SNX29: variants seen among roughly 807,000 people sequenced by gnomAD.
SNX29 encodes sorting nexin 29.
Under a neutral mutation model 102.1 loss-of-function variants are expected in SNX29, and 78 were observed. That is an observed-to-expected ratio of 0.76 (90% CI 0.64 to 0.92). The LOEUF is 0.92. Among genes scored for constraint, SNX29 ranks in the 40% least tolerant of loss-of-function variants. SNX29 has a pLI of 0.00. For missense variants in SNX29, 1,280 were observed against 1,061.7 expected, an observed-to-expected ratio of 1.21 and a Z score of -2.86; for synonymous variants, 580 against 414.5, an observed-to-expected ratio of 1.40 and a Z score of -4.85.
chr16:12,273,904 C>T (rs559942341), intron 14 of SNX29, among the ~76,000 whole-genome samples: 5 of 152,304 alleles, frequency 3.3e-5, no homozygotes, highest in South Asian at 2.1e-4. Flanking sequence ...TGTGTTGCAG[C>T]GTGAGTCTGC....
At chr16:12,560,471 G>GTCACACTTACCTCCTGCTTT (rs1598054240) in intron 20 of SNX29, among the ~76,000 whole-genome samples, 1 of 152,274 alleles carries the variant, frequency 6.6e-6, no homozygotes, top group Non-Finnish European at 1.5e-5. Flanking sequence ...TTGCCTGGGA[G>GTCACACTTACCTCCTGCTTT]TCACACTTAC....
At chr16:12,200,636 C>G (rs901083725) in intron 14 of SNX29, among the ~76,000 whole-genome samples, 1 of 152,154 alleles carries the variant, frequency 6.6e-6, no homozygotes, top group African/African-American at 2.4e-5. Context: ...GTATCTGCCA[C>G]CATGCCCAGC....
chr16:12,344,794 C>T (rs560086758), intron 15 of SNX29, among the ~76,000 whole-genome samples: 1 of 152,314 alleles, frequency 6.6e-6, no homozygotes, highest in African/African-American at 2.4e-5. Flanking sequence ...GAGAGGAGGC[C>T]AACGCTGCGC....
intron 16 of SNX29, among the ~76,000 whole-genome samples, chr16:12,393,759 C>T (rs115452866): frequency 9.6e-4 from 146 of 152,316 alleles, no homozygotes; most frequent in African/African-American, 3.1e-3. Flanking sequence ...ATACTTGCTT[C>T]GCAGATTGTT....
intron 18 of SNX29, among the ~76,000 whole-genome samples, chr16:12,406,898 G>A (rs1240511269): frequency 2.0e-5 from 3 of 152,220 alleles, no homozygotes; most frequent in Admixed American, 6.5e-5. Flanking sequence ...GACAGAGCGA[G>A]ACTCTGTCTC....
intron 10 of SNX29, among the ~76,000 whole-genome samples, chr16:12,070,045 G>A (rs1288802879): frequency 1.3e-5 from 2 of 152,192 alleles, no homozygotes; most frequent in Admixed American, 1.3e-4. Context: ...GTATATTTAA[G>A]CCATTTAGAT....
At chr16:12,216,339 T>G (rs1567321636) in intron 14 of SNX29, among the ~76,000 whole-genome samples, 1 of 152,212 alleles carries the variant, frequency 6.6e-6, no homozygotes, top group Non-Finnish European at 1.5e-5. Context: ...GACCCTTTCC[T>G]TGACACATGG....
intron 3 of SNX29, among the ~76,000 whole-genome samples, chr16:12,007,549 A>C (rs193277478): frequency 6.8e-4 from 104 of 152,298 alleles, no homozygotes; most frequent in African/African-American, 2.4e-3. Context: ...CAAGAGGGAA[A>C]GTCAGCGAAC....
chr16:12,505,492 T>A (rs756903971), intron 19 of SNX29, among the ~76,000 whole-genome samples: 4 of 152,212 alleles, frequency 2.6e-5, no homozygotes, highest in Non-Finnish European at 5.9e-5. Flanking sequence ...TTATGCCAGT[T>A]CCTTTTTTAA....
intron 1 of SNX29, among the ~76,000 whole-genome samples, chr16:11,997,157 T>C (rs2056105469): frequency 6.6e-6 from 1 of 152,154 alleles, no homozygotes; most frequent in Admixed American, 6.5e-5. Context: ...GCCTGTTTGA[T>C]CTTTCCTTCC....
At chr16:12,029,311 G>A (rs1250239032) in intron 4 of SNX29, among the ~76,000 whole-genome samples, 1 of 152,128 alleles carries the variant, frequency 6.6e-6, no homozygotes, top group African/African-American at 2.4e-5. Flanking sequence ...ATTGCGTGCA[G>A]TACTGTATTT....
chr16:12,429,943 T>C (rs1429320160), intron 18 of SNX29, among the ~76,000 whole-genome samples: 2 of 152,212 alleles, frequency 1.3e-5, no homozygotes, highest in South Asian at 2.1e-4. Context: ...CTGTGCTTTA[T>C]TCAAGGGTCC....
chr16:12,337,046 G>T (rs1381178802), intron 15 of SNX29, among the ~76,000 whole-genome samples: 2 of 152,222 alleles, frequency 1.3e-5, no homozygotes, highest in Admixed American at 1.3e-4. Flanking sequence ...CCTGGGAGAT[G>T]TTTTCTCAGT....
chr16:12,482,123 A>T (rs532700507), intron 19 of SNX29, among the ~76,000 whole-genome samples: 39 of 152,292 alleles, frequency 2.6e-4, no homozygotes, highest in Non-Finnish European at 4.6e-4. Context: ...TGTTGATTCT[A>T]CATTGGCCCA....
rs374909254 is a variant in SNX29, at chr16:12,168,443, CTTTG to C, written c.1596-31153_1596-31150del. On this transcript the variant is annotated intron_variant, in intron 13 of 20. Coordinates refer to ENST00000566228, the MANE Select transcript of SNX29 (RefSeq NM_032167.5). ...ATGGTTGCTCAGAGAATCGAACCAA[CTTTG>C]TTTGAATCTAAGCCCCATGTTGTTG... 2.2e-3 allele frequency among the ~76,000 whole-genome samples: 335 copies of C among 152,300 alleles called. 4 individuals carry two copies. The highest frequency in any genetic ancestry group is 7.7e-3 in the African/African-American group (319 of 41,576).
chr16:12,549,817 G>A (rs1165889037), intron 20 of SNX29, among the ~76,000 whole-genome samples: 1 of 152,262 alleles, frequency 6.6e-6, no homozygotes, highest in African/African-American at 2.4e-5. Flanking sequence ...TCTGTGCCCT[G>A]TGTGGCCAGG....
intron 20 of SNX29, among the ~76,000 whole-genome samples, chr16:12,550,720 C>A (rs1421719455): frequency 6.6e-6 from 1 of 152,256 alleles, no homozygotes; most frequent in South Asian, 2.1e-4. Flanking sequence ...TTATTCTACA[C>A]TCCTGTGTTG....
intron 20 of SNX29, among the ~76,000 whole-genome samples, chr16:12,530,359 A>C (rs1359696623): frequency 6.6e-6 from 1 of 152,154 alleles, no homozygotes; most frequent in African/African-American, 2.4e-5. Flanking sequence ...TTTTAGGGAA[A>C]GTGATGAAGT....
chr16:12,538,321 C>T (rs1364964856), intron 20 of SNX29, among the ~76,000 whole-genome samples: 1 of 152,090 alleles, frequency 6.6e-6, no homozygotes, highest in Non-Finnish European at 1.5e-5. Context: ...GGGGTTTCAC[C>T]ATGTTAGCCA....
Sources: gnomAD v4.1 joint callset for allele counts (sites outside exome capture counted in the v4.1 genomes callset) on GRCh38, gnomAD v4.1.1 for gene constraint, MANE v1.5 for transcripts, NCBI Gene and HGNC (gene_info 2026-07-23, HGNC 2026-07-21) for gene names.